Variants in PARP11 observed in about 807,000 individuals in gnomAD.
PARP11 encodes the protein protein mono-ADP-ribosyltransferase PARP11.
PARP11 carries 31 observed loss-of-function variants against 42.9 expected under a neutral mutation model. That is an observed-to-expected ratio of 0.72 (90% CI 0.54 to 0.98). PARP11 has a LOEUF of 0.98. Ranked by LOEUF, PARP11 falls within the 50% of genes least tolerant of loss-of-function variation. The probability of loss-of-function intolerance (pLI) is 0.00; values close to 1 mark genes in which losing one functional copy is unlikely to be tolerated. For missense variants in PARP11, 365 were observed against 413.1 expected, an observed-to-expected ratio of 0.88 and a Z score of 1.01; for synonymous variants, 137 against 127.3, an observed-to-expected ratio of 1.08 and a Z score of -0.51.
chr12:3,829,934 C>A lies in PARP11; in HGVS notation c.103G>T (p.Gly35Cys), dbSNP rs747414834. The stretch of plus-strand genomic sequence containing the variant: ...CCACATTCTGCCAAGTAAAACCAGC[C>A]CCACTGGGTATCTGACGTGTCCATG... The part of the protein sequence containing the change: ...DDMDTSDTQW[G>C]WFYLAECGKW... Residue 35 changes from glycine (G) to cysteine (C), a missense_variant, in exon 2 of 8, where the codon GGC becomes TGC. Gly to Cys is a radical substitution (Grantham distance 159). Coordinates refer to ENST00000228820, the MANE Select transcript of PARP11 (RefSeq NM_020367.6). The A allele has an allele frequency of 1.9e-6, 3 of 1,613,882 alleles. No homozygotes were observed. The highest frequency in any genetic ancestry group is 2.5e-6 in the Non-Finnish European group (3 of 1,179,830).
rs990671597 is a variant in PARP11, at chr12:3,811,883, CT to C, written c.*239del. The C allele has an allele frequency of 8.5e-6, 4 of 472,124 alleles. No homozygotes were observed. Among genetic ancestry groups the C allele is most frequent in the African/African-American group, 2.0e-5 (1 of 49,896 alleles). 29.2% of individuals were successfully genotyped at this position (472,124 alleles called of 1,614,324 possible). A position where few individuals can be genotyped will look rare whatever the true frequency, so the allele number is the denominator to read the frequency against. On this transcript the variant is annotated 3_prime_UTR_variant, in exon 8 of 8. Coordinates refer to ENST00000228820, the MANE Select transcript of PARP11 (RefSeq NM_020367.6). ...CCATTTTGAATGGTATCTTTCACCC[CT>C]ATGTGTTAAAACATCAATGATATCA...
chr12:3,863,192 T>C (rs75132987), intron 1 of PARP11, among the ~76,000 whole-genome samples: 3,201 of 152,336 alleles, frequency 0.021, 125 homozygotes, highest in African/African-American at 0.074. Flanking sequence ...TAGAGATACA[T>C]TGATTTTTGT....
At chr12:3,831,280 TA>T (rs3834497) in intron 1 of PARP11, among the ~76,000 whole-genome samples, 2,792 of 152,266 alleles carry the variant, frequency 0.018, 125 homozygotes, top group East Asian at 0.14. Context: ...TGTGTGTGTA[TA>T]ATTATACACA....
At chr12:3,839,802 C>A in intron 1 of PARP11, 3 of 1,145,548 alleles carry the variant, frequency 2.6e-6, no homozygotes, top group South Asian at 2.5e-5. Flanking sequence ...GTCAGTCTCT[C>A]CTTTATGAAT....
chr12:3,872,481 A>G (rs1405727734), intron 1 of PARP11: 3 of 982,660 alleles, frequency 3.1e-6, no homozygotes, highest in Non-Finnish European at 3.6e-6. Flanking sequence ...AGCAAAGTAG[A>G]CAAAGACACA....
intron 6 of PARP11, among the ~76,000 whole-genome samples, chr12:3,816,693 G>A (rs925031559): frequency 1.3e-5 from 2 of 152,184 alleles, no homozygotes; most frequent in Admixed American, 1.3e-4. Flanking sequence ...TGTGCTTCAT[G>A]ATCTGCAATG....
intron 1 of PARP11, among the ~76,000 whole-genome samples, chr12:3,837,991 T>C (rs1054688887): frequency 6.6e-6 from 1 of 150,958 alleles, no homozygotes; most frequent in East Asian, 1.9e-4. Context: ...TAGACTGCAA[T>C]ACAGCAAAAG....
intron 1 of PARP11, chr12:3,839,566 G>A (rs1947845589): frequency 6.9e-7 from 1 of 1,459,082 alleles, no homozygotes; most frequent in Admixed American, 1.7e-5. Flanking sequence ...ATCATTTGAA[G>A]GATATTTAAA....
rs1947540642 is a variant in PARP11 at position 3,826,991 on chromosome 12, A to T, written c.269-758T>A. The stretch of plus-strand genomic sequence containing the variant: ...TGATTATGTTTACCCACCCAGGCTA[A>T]GGCTAGTATAAAGTGTGTTCTGTCC... On this transcript the variant is annotated intron_variant, in intron 3 of 7. Transcript: ENST00000228820. Among the ~76,000 whole-genome samples the T allele has an allele frequency of 3.3e-5, 5 of 152,234 alleles. No individual in the cohort carries two copies. In the South Asian group the frequency reaches 1.0e-3, roughly 31 times the overall value.
At position 3,821,730 on chromosome 12, in the gene PARP11, G is replaced by A. The variant is rs1947397421; in HGVS notation, c.548+143C>T. On this transcript the variant is annotated intron_variant, in intron 6 of 7. Transcript: ENST00000228820. ...ACCTCTTTCACTCCCTGAGAATGCT[G>A]AAGAGCCTTGAGACCAGGTCAAAAT... The A allele has an allele frequency of 3.7e-6, 3 of 809,508 alleles. No individual in the cohort carries two copies. The Admixed American group carries it at 8.3e-5, about 22-fold the overall frequency. The allele number at this position is 809,508 out of a possible 1,614,324, so 50.1% of individuals were successfully genotyped here. A position where few individuals can be genotyped will look rare whatever the true frequency, so the allele number is the denominator to read the frequency against.
chr12:3,829,603 T>C (rs1427830099), intron 2 of PARP11, among the ~76,000 whole-genome samples: 3 of 152,204 alleles, frequency 2.0e-5, no homozygotes, highest in Admixed American at 2.0e-4. Flanking sequence ...TTCTTCCCTT[T>C]CTCTTTGTCC....
chr12:3,835,107 C>T (rs1189752396), intron 1 of PARP11, among the ~76,000 whole-genome samples: 1 of 152,124 alleles, frequency 6.6e-6, no homozygotes, highest in African/African-American at 2.4e-5. Flanking sequence ...GCTTCTAGCA[C>T]CTGGCTAAAT....
At chr12:3,863,934 CAA>C (rs1948344312) in intron 1 of PARP11, 1 of 152,162 alleles carries the variant, frequency 6.6e-6, no homozygotes, top group African/African-American at 2.4e-5. Flanking sequence ...TAGCACGGCT[CAA>C]AGACTCGGGC....
At chr12:3,852,834 A>G (rs1948121088) in intron 1 of PARP11, among the ~76,000 whole-genome samples, 1 of 152,188 alleles carries the variant, frequency 6.6e-6, no homozygotes. Context: ...TAATTGCCAG[A>G]TTCACCAAGG....
intron 3 of PARP11, among the ~76,000 whole-genome samples, chr12:3,826,449 T>A (rs553912229): frequency 6.6e-6 from 1 of 152,336 alleles, no homozygotes; most frequent in South Asian, 2.1e-4. Context: ...TTGCTTGACG[T>A]AAGCTCACAC....
rs1184079868 is a variant in PARP11 at position 3,812,127 on chromosome 12, T to C, written c.1013A>G (p.His338Arg). 1.8e-5 allele frequency: 29 copies of C among 1,587,930 alleles called. No homozygotes were observed. The highest frequency in any genetic ancestry group is 2.5e-5 in the Non-Finnish European group (29 of 1,167,240). The part of the protein sequence containing the change: ...QIYPEYLIDF[H>R] ...CACCGAGATTTGGAAGTGAAATCAA[T>C]GAAAGTCTATCAAGTACTCAGGATA... is the stretch of plus-strand genomic sequence containing the variant. The change falls in exon 8 of 8, where the codon CAT (histidine) becomes CGT (arginine). Residue 338 changes from histidine to arginine, a missense_variant. By Grantham distance (29) the His-to-Arg change is conservative (BLOSUM62 0). Coordinates refer to ENST00000228820, the MANE Select transcript of PARP11 (RefSeq NM_020367.6).
At chr12:3,845,615 CTAGTG>C (rs1240330032) in intron 1 of PARP11, among the ~76,000 whole-genome samples, 1 of 152,160 alleles carries the variant, frequency 6.6e-6, no homozygotes, top group Non-Finnish European at 1.5e-5. Flanking sequence ...AAGGTCCACT[CTAGTG>C]TAGCTGAAGA....
intron 1 of PARP11, among the ~76,000 whole-genome samples, chr12:3,835,385 T>C (rs1188110050): frequency 1.3e-5 from 2 of 152,074 alleles, no homozygotes; most frequent in African/African-American, 4.8e-5. Context: ...TATATACACA[T>C]AAACCAATAA....
At chr12:3,830,309 A>G (rs926836018) in intron 1 of PARP11, among the ~76,000 whole-genome samples, 2 of 152,204 alleles carry the variant, frequency 1.3e-5, no homozygotes, top group South Asian at 2.1e-4. Flanking sequence ...TTCAGGTTTC[A>G]GCATAGCCCC....
Sources: allele counts gnomAD v4.1 joint callset (sites outside exome capture counted in the v4.1 genomes callset), GRCh38; gene constraint gnomAD v4.1.1; transcripts MANE v1.5; gene names NCBI Gene and HGNC (gene_info 2026-07-23, HGNC 2026-07-21).